The following TRERF1 variants were observed in gnomAD, a reference collection of about 807,000 sequenced individuals.
TRERF1 encodes the protein transcriptional regulating factor 1.
In TRERF1, 27 loss-of-function variants were observed where a neutral mutation model predicts 122.9. That is an observed-to-expected ratio of 0.22 (90% CI 0.16 to 0.30). TRERF1 has a LOEUF of 0.30. TRERF1 is among the 10% of genes least tolerant of loss of function. The pLI is 1.00. For missense variants in TRERF1, 1,248 were observed against 1,560.3 expected (o/e 0.80, Z 3.37); for synonymous variants, 636 against 641.7 (o/e 0.99, Z 0.13).
At chr6:42,329,857 G>C (rs1764947437) in intron 3 of TRERF1, among the ~76,000 whole-genome samples, 1 of 151,798 alleles carries the variant, frequency 6.6e-6, no homozygotes, top group East Asian at 1.9e-4. Context: ...GGGCGTGGTG[G>C]GGGCGCCTGT....
intron 3 of TRERF1, among the ~76,000 whole-genome samples, chr6:42,334,786 C>G (rs989382631): frequency 6.6e-6 from 1 of 152,226 alleles, no homozygotes; most frequent in South Asian, 2.1e-4. Context: ...GAAGATGCTC[C>G]CTCTGATGTT....
chr6:42,249,456 C>G (rs1775369453), intron 13 of TRERF1, among the ~76,000 whole-genome samples: 1 of 152,204 alleles, frequency 6.6e-6, no homozygotes. Context: ...AAATTGCTTG[C>G]CAGATGCAAC....
At chr6:42,332,529 A>G (rs1369736114) in intron 3 of TRERF1, among the ~76,000 whole-genome samples, 1 of 152,172 alleles carries the variant, frequency 6.6e-6, no homozygotes, top group Non-Finnish European at 1.5e-5. Flanking sequence ...GGGGCTGGAG[A>G]GCAGCTTCCT....
chr6:42,443,717 C>A (rs115748453), intron 2 of TRERF1, among the ~76,000 whole-genome samples: 1 of 152,212 alleles, frequency 6.6e-6, no homozygotes, highest in African/African-American at 2.4e-5. Context: ...AGCCTTCCGA[C>A]AAGAAGAGCA....
chr6:42,333,447 C>T (rs1271029697), intron 3 of TRERF1, among the ~76,000 whole-genome samples: 3 of 152,186 alleles, frequency 2.0e-5, no homozygotes, highest in Non-Finnish European at 4.4e-5. Context: ...GAACGTTGTC[C>T]TATCAGGCAC....
chr6:42,261,013 A>C (rs1777740957), intron 8 of TRERF1, among the ~76,000 whole-genome samples: 1 of 151,876 alleles, frequency 6.6e-6, no homozygotes, highest in Non-Finnish European at 1.5e-5. Context: ...GAGGTTCCTA[A>C]CTACCCCCGC....
intron 2 of TRERF1, among the ~76,000 whole-genome samples, chr6:42,397,721 A>G (rs1417669541): frequency 1.3e-5 from 2 of 152,226 alleles, no homozygotes; most frequent in African/African-American, 4.8e-5. Context: ...TGTCTCCATC[A>G]GAAGTGCATT....
chr6:42,284,529 A>G (rs1432157022), intron 4 of TRERF1, among the ~76,000 whole-genome samples: 1 of 152,240 alleles, frequency 6.6e-6, no homozygotes, highest in Non-Finnish European at 1.5e-5. Flanking sequence ...TTTTCACTGA[A>G]ATAGCACTTC....
chr6:42,242,348 T>C (rs1773905423), intron 15 of TRERF1, among the ~76,000 whole-genome samples: 1 of 151,720 alleles, frequency 6.6e-6, no homozygotes, highest in Non-Finnish European at 1.5e-5. Context: ...CACACATACA[T>C]GTGCTAACCC....
intron 2 of TRERF1, among the ~76,000 whole-genome samples, chr6:42,390,921 C>T (rs576636619): frequency 6.6e-6 from 1 of 152,198 alleles, no homozygotes; most frequent in South Asian, 2.1e-4. Flanking sequence ...AAACACCTGC[C>T]CAAGCCCTGC....
chr6:42,292,199 G>A (rs925404254), intron 4 of TRERF1, among the ~76,000 whole-genome samples: 1 of 152,190 alleles, frequency 6.6e-6, no homozygotes, highest in Non-Finnish European at 1.5e-5. Flanking sequence ...GTGGGTTACA[G>A]TTTAGACCAG....
At chr6:42,357,400 G>A (rs963889530) in intron 3 of TRERF1, among the ~76,000 whole-genome samples, 1 of 150,268 alleles carries the variant, frequency 6.7e-6, no homozygotes, top group East Asian at 1.9e-4. Context: ...ATAAGCATAC[G>A]AGCACAGATG....
intron 2 of TRERF1, among the ~76,000 whole-genome samples, chr6:42,386,564 G>A (rs1410592691): frequency 2.6e-5 from 4 of 152,212 alleles, no homozygotes; most frequent in East Asian, 1.9e-4. Flanking sequence ...GGCATGGAGC[G>A]TGGACAAAAG....
At chr6:42,242,022 G>A (rs927155115) in intron 15 of TRERF1, among the ~76,000 whole-genome samples, 1 of 152,212 alleles carries the variant, frequency 6.6e-6, no homozygotes, top group African/African-American at 2.4e-5. Flanking sequence ...TTGAGCCCAA[G>A]AAGTTGAGGC....
rs562962878 is a variant in TRERF1 at position 42,413,076 on chromosome 6, C to CA, written c.-454+38100dup. 1.9e-4 allele frequency among the ~76,000 whole-genome samples: 29 copies of CA among 152,328 alleles called. No individual in the cohort carries two copies. The East Asian group carries it at 5.6e-3, about 29-fold the overall frequency. ...TGTGCCCAAAGAAATTTTGTAGCCA[C>CA]AAACCATCTTCTACCCTCTCGGACC... On this transcript the variant is annotated intron_variant, in intron 2 of 17. Transcript: ENST00000372922.
At chr6:42,293,089 A>G (rs1328521147) in intron 4 of TRERF1, among the ~76,000 whole-genome samples, 6 of 152,188 alleles carry the variant, frequency 3.9e-5, no homozygotes, top group Non-Finnish European at 1.5e-5. Context: ...CTGTGGCCAC[A>G]TGTGCCACCT....
chr6:42,380,687 C>T (rs975307402), intron 2 of TRERF1, among the ~76,000 whole-genome samples: 1 of 152,340 alleles, frequency 6.6e-6, no homozygotes, highest in South Asian at 2.1e-4. Flanking sequence ...CAATTTCTCA[C>T]TCCCCAAAGG....
At chr6:42,417,908 C>T (rs1782079142) in intron 2 of TRERF1, among the ~76,000 whole-genome samples, 1 of 152,208 alleles carries the variant, frequency 6.6e-6, no homozygotes, top group African/African-American at 2.4e-5. Context: ...GCGCTGATGC[C>T]ACAAGTGACA....
Position 42,288,772 on chromosome 6 carries a change from G to C in TRERF1, c.-259+11866C>G, listed in dbSNP as rs1436360150. Among the ~76,000 whole-genome samples the C allele has an allele frequency of 3.9e-5, 6 of 152,072 alleles. No homozygotes were observed. The East Asian group carries it at 9.7e-4, about 25-fold the overall frequency. On this transcript the variant is annotated intron_variant, in intron 4 of 17. Coordinates refer to ENST00000372922, the Ensembl canonical transcript of TRERF1. ...TGGGCAAAGGCTCTGTGGCAGGTGG[G>C]AACAAGGTGGATGTAAAGAACTAAA...
Sources: allele counts gnomAD v4.1 joint callset (sites outside exome capture counted in the v4.1 genomes callset), GRCh38; gene constraint gnomAD v4.1.1; transcripts MANE v1.5; gene names NCBI Gene and HGNC (gene_info 2026-07-23, HGNC 2026-07-21).